Variants in OPRM1 observed in about 807,000 individuals in gnomAD.
OPRM1 encodes the protein opioid receptor mu 1.
Under a neutral mutation model 31.8 loss-of-function variants are expected in OPRM1, and 27 were observed. The observed-to-expected ratio is 0.85, with a 90% CI of 0.63 to 1.17. The LOEUF is 1.17. Ranked by LOEUF, OPRM1 falls within the 50% of genes most tolerant of loss-of-function variation. The pLI is 0.00. For missense variants in OPRM1, 536 were observed against 511.1 expected (o/e 1.05, Z -0.47); for synonymous variants, 196 against 189.9 (o/e 1.03, Z -0.26).
chr6:154,041,260 G>A (rs1440183943), intron 1 of OPRM1, among the ~76,000 whole-genome samples: 6 of 152,112 alleles, frequency 3.9e-5, no homozygotes. Context: ...TGTAAGAAAA[G>A]AGCACCATCT....
At chr6:154,134,663 A>G (rs1452813201), downstream of OPRM1, among the ~76,000 whole-genome samples, 2 of 152,178 alleles carry the variant, frequency 1.3e-5, no homozygotes, top group Non-Finnish European at 2.9e-5. Flanking sequence ...ATATTCAACC[A>G]GGGCTCAGAC....
chr6:154,063,914 A>C (rs2128440940), intron 1 of OPRM1, among the ~76,000 whole-genome samples: 1 of 152,206 alleles, frequency 6.6e-6, no homozygotes, highest in South Asian at 2.1e-4. Flanking sequence ...GAGTGGTTAC[A>C]TCTATGCTTT....
chr6:154,239,182 A>G (rs1368250361), intron 3 of OPRM1, among the ~76,000 whole-genome samples: 1 of 152,224 alleles, frequency 6.6e-6, no homozygotes, highest in Non-Finnish European at 1.5e-5. Flanking sequence ...AAGTTTGGAA[A>G]GAATTTAAAG....
At chr6:154,195,868 T>G (rs1266543480) in intron 3 of OPRM1, among the ~76,000 whole-genome samples, 2 of 151,362 alleles carry the variant, frequency 1.3e-5, no homozygotes, top group African/African-American at 4.9e-5. Context: ...CTCGGCTCAC[T>G]GCAACCTCTG....
At position 154,129,455 on chromosome 6, in the gene OPRM1, T is replaced by C. The variant is rs1257360964; in HGVS notation, c.*10734T>C. 6.6e-6 allele frequency among the ~76,000 whole-genome samples: 1 copy of C among 152,162 alleles called. No homozygotes were observed. Among genetic ancestry groups the C allele is most frequent in the African/African-American group, 2.4e-5 (1 of 41,432 alleles). The stretch of plus-strand genomic sequence containing the variant: ...ACTTCCTTGTTGTTTTTACTGAATA[T>C]GAAACAATATAAAACAATGTGAGAG... On this transcript the variant is annotated 3_prime_UTR_variant, in exon 4 of 4. Coordinates refer to ENST00000330432, the MANE Select transcript of OPRM1 (RefSeq NM_000914.5).
intron 3 of OPRM1, among the ~76,000 whole-genome samples, chr6:154,174,116 A>C (rs1351424405): frequency 6.6e-6 from 1 of 152,214 alleles, no homozygotes; most frequent in Non-Finnish European, 1.5e-5. Flanking sequence ...ACAGACAAGC[A>C]AATGCTGAGA....
At chr6:154,109,786 CTCTCTCTG>C (rs1422545668) in intron 3 of OPRM1, among the ~76,000 whole-genome samples, 77 of 92,352 alleles carry the variant, frequency 8.3e-4, no homozygotes, top group African/African-American at 1.9e-3. Flanking sequence ...CTCTCTCTCT[CTCTCTCTG>C]TGTGTGTGTG....
Position 154,198,611 on chromosome 6 carries a change from CA to C in OPRM1, c.1165-48081del, listed in dbSNP as rs1489148670. On this transcript the variant is annotated intron_variant, in intron 3 of 3. Coordinates refer to the OPRM1 transcript ENST00000337049. ...TTACCAGGCTGAGTAATGAAATTTA[CA>C]TACTTTTAAAATATTACATACACAC... Among the ~76,000 whole-genome samples the C allele has an allele frequency of 4.1e-5, 6 of 145,326 alleles. No homozygotes were observed. The East Asian group carries it at 1.3e-3, about 31-fold the overall frequency.
intron 3 of OPRM1, among the ~76,000 whole-genome samples, chr6:154,230,384 T>TA (rs1371029658): frequency 2.0e-5 from 3 of 152,174 alleles, no homozygotes; most frequent in East Asian, 1.9e-4. Flanking sequence ...AAAACTGCTC[T>TA]AAAAAAATTA....
intron 1 of OPRM1, among the ~76,000 whole-genome samples, chr6:154,054,266 G>A (rs567040002): frequency 1.5e-4 from 23 of 151,978 alleles, no homozygotes; most frequent in African/African-American, 4.8e-4. Flanking sequence ...CTACTCGGGA[G>A]GCTGGGGAAG....
At chr6:154,144,660 A>C (rs1260268202) in intron 3 of OPRM1, among the ~76,000 whole-genome samples, 1 of 151,536 alleles carries the variant, frequency 6.6e-6, no homozygotes, top group African/African-American at 2.4e-5. Context: ...TAGCAGGAGA[A>C]TCACTTGAAC....
chr6:154,169,185 AC>A (rs1799673934), intron 3 of OPRM1, among the ~76,000 whole-genome samples: 1 of 151,974 alleles, frequency 6.6e-6, no homozygotes, highest in Non-Finnish European at 1.5e-5. Flanking sequence ...ACATGGTAAA[AC>A]CCGTTGTCTA....
chr6:154,157,003 TCA>T (rs1798743897), intron 3 of OPRM1: 1 of 152,192 alleles, frequency 6.6e-6, no homozygotes, highest in Non-Finnish European at 1.5e-5. Flanking sequence ...ATTCCACAGC[TCA>T]CAGACACTGC....
At chr6:154,041,347 T>C (rs1279559861) in intron 1 of OPRM1, among the ~76,000 whole-genome samples, 1 of 152,196 alleles carries the variant, frequency 6.6e-6, no homozygotes, top group East Asian at 1.9e-4. Flanking sequence ...AACATTTACT[T>C]TAAGTAATTC....
At chr6:154,037,394 G>T (rs1242701263), upstream of OPRM1, among the ~76,000 whole-genome samples, 3 of 150,470 alleles carry the variant, frequency 2.0e-5, no homozygotes, top group African/African-American at 7.3e-5. Flanking sequence ...TGTACTGGTA[G>T]AAAGACAAAG....
chr6:154,178,744 T>G (rs1261783942), intron 3 of OPRM1, among the ~76,000 whole-genome samples: 1 of 152,182 alleles, frequency 6.6e-6, no homozygotes, highest in Admixed American at 6.5e-5. Context: ...GAAGTATGTA[T>G]GTTCACATAG....
intron 1 of OPRM1, among the ~76,000 whole-genome samples, chr6:154,048,113 G>C (rs182898787): frequency 6.6e-6 from 1 of 152,224 alleles, no homozygotes; most frequent in Admixed American, 6.5e-5. Context: ...TGAATTTGAG[G>C]GGAACACATT....
intron 3 of OPRM1, among the ~76,000 whole-genome samples, chr6:154,105,608 A>G (rs1445653053): frequency 6.6e-6 from 1 of 152,238 alleles, no homozygotes; most frequent in African/African-American, 2.4e-5. Context: ...GACAGCCACT[A>G]TTAAAGCCAC....
chr6:154,241,185 G>A (rs561780176), intron 3 of OPRM1, among the ~76,000 whole-genome samples: 152 of 146,420 alleles, frequency 1.0e-3, no homozygotes, highest in Non-Finnish European at 1.9e-3. Context: ...GCAGTGAGCC[G>A]AGATCGCGCC....
Sources: gnomAD v4.1 joint callset for allele counts (sites outside exome capture counted in the v4.1 genomes callset) on GRCh38, gnomAD v4.1.1 for gene constraint, MANE v1.5 for transcripts, NCBI Gene and HGNC (gene_info 2026-07-23, HGNC 2026-07-21) for gene names.